SLC23A2: variants seen among roughly 807,000 people sequenced by gnomAD.
SLC23A2 encodes the protein Na(+)/L-ascorbic acid transporter 2.
In SLC23A2, 36 loss-of-function variants were observed where a neutral mutation model predicts 73.3. The ratio of observed to expected loss-of-function variants is 0.49; its 90% CI spans 0.38 to 0.65. SLC23A2 has a LOEUF of 0.65. SLC23A2 is among the 30% of genes least tolerant of loss of function. The pLI, the probability that SLC23A2 is intolerant of heterozygous loss-of-function variation, is 0.00. For synonymous variants in SLC23A2, 343 were observed against 327.3 expected (o/e 1.05, Z -0.52); for missense variants, 507 against 841.6 (o/e 0.60, Z 4.92).
At chr20:4,965,544 G>A (rs2087461345) in intron 2 of SLC23A2, among the ~76,000 whole-genome samples, 1 of 152,150 alleles carries the variant, frequency 6.6e-6, no homozygotes, top group African/African-American at 2.4e-5. Context: ...GGCCAAGGCA[G>A]GCGTATCACT....
intron 4 of SLC23A2, among the ~76,000 whole-genome samples, chr20:4,907,987 A>C (rs550325778): frequency 3.7e-4 from 57 of 152,336 alleles, no homozygotes; most frequent in African/African-American, 1.3e-3. Flanking sequence ...AAGGAAGAAC[A>C]GATAAGCTGC....
intron 2 of SLC23A2, among the ~76,000 whole-genome samples, chr20:4,933,472 T>C (rs1458453845): frequency 1.3e-5 from 2 of 151,090 alleles, no homozygotes; most frequent in African/African-American, 4.9e-5. Context: ...ATAATAATAA[T>C]ACAAAAATCA....
chr20:4,867,306 C>T (rs1930242264), intron 13 of SLC23A2, among the ~76,000 whole-genome samples: 2 of 152,140 alleles, frequency 1.3e-5, no homozygotes, highest in Admixed American at 1.3e-4. Context: ...TATTTGCAGG[C>T]TCCCTCCCTC....
chr20:4,872,552 C>T lies in SLC23A2; in HGVS notation c.1102+1384G>A, dbSNP rs6052949. 0.013 allele frequency among the ~76,000 whole-genome samples: 2,036 copies of T among 152,182 alleles called. 51 individuals carry two copies. Among genetic ancestry groups the T allele is most frequent in the African/African-American group, 0.047 (1,945 of 41,496 alleles). On this transcript the variant is annotated intron_variant, in intron 11 of 16. Coordinates refer to ENST00000338244, the MANE Select transcript of SLC23A2 (RefSeq NM_005116.6). The surrounding 1 kb of genome is among the most constrained non-coding windows in gnomAD (Gnocchi z 4.4). ...AGTTGCCTGCACAAGCAGAAGACCA[C>T]CTTGTATACGCTGTGGGGGCTTCTA...
Position 4,992,129 on chromosome 20 carries a change from G to A in SLC23A2, c.-282+9277C>T, listed in dbSNP as rs73601318. Among the ~76,000 whole-genome samples, 992 of 152,124 alleles carry A rather than the reference G, an allele frequency of 6.5e-3. 12 individuals carry two copies. Among genetic ancestry groups the A allele is most frequent in the African/African-American group, 0.021 (882 of 41,508 alleles). The stretch of plus-strand genomic sequence containing the variant: ...CATCTCAAGATGGAGGGAGTATTTT[G>A]AAACCCTAAATTGAAAAACACTGGA... On this transcript the variant is annotated intron_variant, in intron 1 of 16. Coordinates refer to ENST00000338244, the MANE Select transcript of SLC23A2 (RefSeq NM_005116.6).
At chr20:4,869,540 GACACAC>G (rs11467759) in intron 12 of SLC23A2, 1 of 166,414 alleles carries the variant, frequency 6.0e-6, no homozygotes. Flanking sequence ...ATCTCCAAAT[GACACAC>G]ACACACACAC....
At chr20:4,926,743 T>C (rs994358431) in intron 3 of SLC23A2, among the ~76,000 whole-genome samples, 2 of 152,206 alleles carry the variant, frequency 1.3e-5, no homozygotes, top group African/African-American at 4.8e-5. Context: ...TTTGACCTAG[T>C]GGACATTCTA....
At chr20:4,866,327 A>G (rs538949912) in intron 13 of SLC23A2, among the ~76,000 whole-genome samples, 19 of 152,234 alleles carry the variant, frequency 1.2e-4, no homozygotes, top group Non-Finnish European at 2.8e-4. Context: ...TGAAGTTGGT[A>G]GAACCCACAG....
At chr20:4,922,040 C>T (rs183114092) in intron 3 of SLC23A2, among the ~76,000 whole-genome samples, 1 of 152,250 alleles carries the variant, frequency 6.6e-6, no homozygotes, top group East Asian at 1.9e-4. Flanking sequence ...CAAATCCTAG[C>T]AAGAATGAAC....
At chr20:4,949,094 T>G in intron 2 of SLC23A2, among the ~76,000 whole-genome samples, 1 of 152,016 alleles carries the variant, frequency 6.6e-6, no homozygotes, top group Non-Finnish European at 1.5e-5. Context: ...GAGACCAGCC[T>G]GCTCAACATG....
intron 2 of SLC23A2, among the ~76,000 whole-genome samples, chr20:4,955,424 T>C (rs1008204499): frequency 1.3e-5 from 2 of 149,564 alleles, no homozygotes; most frequent in Admixed American, 6.7e-5. Flanking sequence ...TTCAGAAAGA[T>C]AGTAAGTTAT....
intron 1 of SLC23A2, among the ~76,000 whole-genome samples, chr20:4,991,268 G>A (rs1024790343): frequency 4.6e-5 from 7 of 151,912 alleles, no homozygotes; most frequent in African/African-American, 7.3e-5. Context: ...ACACCACCAC[G>A]CCAGGCCACT....
Position 4,883,798 on chromosome 20 carries a change from G to A in SLC23A2, c.668C>T (p.Ser223Leu), listed in dbSNP as rs1600098132. 6.2e-7 allele frequency: 1 copy of A among 1,612,670 alleles called. No individual in the cohort carries two copies. Among genetic ancestry groups the A allele is most frequent in the Non-Finnish European group, 8.5e-7 (1 of 1,179,326 alleles). The change falls in exon 9 of 17, where the codon TCA becomes TTA. Residue 223 changes from serine (S) to leucine (L), a missense_variant. Coordinates refer to ENST00000338244, the MANE Select transcript of SLC23A2 (RefSeq NM_005116.6). This position sits in a 1 kb window ranked among gnomAD's most constrained non-coding sequence, Gnocchi z 4.5. ...GAGGCCGATGACTACTTCTATCAGT[G>A]AGGACATGATGATGGCCCCCTGGAT... ...REIQGAIIMS[S>L]LIEVVIGLLG... is the part of the protein sequence containing the mutation.
chr20:4,857,328 ACACACAC>A lies in SLC23A2; in HGVS notation c.1721-131_1721-125del. 1 of 567,658 alleles carries A rather than the reference ACACACAC, an allele frequency of 1.8e-6. No homozygotes were observed. The highest frequency in any genetic ancestry group is 2.2e-5 in the South Asian group (1 of 46,140). 35.2% of individuals were successfully genotyped at this position (567,658 alleles called of 1,614,324 possible). On this transcript the variant is annotated intron_variant, in intron 16 of 16. Coordinates refer to ENST00000338244, the MANE Select transcript of SLC23A2 (RefSeq NM_005116.6). This position sits in a 1 kb window ranked among gnomAD's most constrained non-coding sequence, Gnocchi z 4.0. ...CACACACACACACACACACACACAC[ACACACAC>A]ATGGTCCCACAGATCAAACCTGCCT...
intron 6 of SLC23A2, among the ~76,000 whole-genome samples, chr20:4,893,498 T>C (rs1321099595): frequency 1.3e-5 from 2 of 152,184 alleles, no homozygotes; most frequent in Non-Finnish European, 2.9e-5. Flanking sequence ...TTCTAAGTTT[T>C]ATAAACAATC....
intron 2 of SLC23A2, among the ~76,000 whole-genome samples, chr20:4,941,456 ACTTTGGGAGGCCAAGGTGGGCAGATTAC>A (rs2087039926): frequency 6.6e-6 from 1 of 152,118 alleles, no homozygotes; most frequent in African/African-American, 2.4e-5. Flanking sequence ...TAATCCTAGC[ACTTTGGGAGGCCAAGGTGGGCAGATTAC>A]CTGAGGTCAG....
chr20:4,902,641 GA>G lies in SLC23A2; in HGVS notation c.208-84del, dbSNP rs1931793184. 3.1e-6 allele frequency: 2 copies of G among 647,736 alleles called. No individual in the cohort carries two copies. The highest frequency in any genetic ancestry group is 2.6e-6 in the Non-Finnish European group (1 of 380,564). 40.1% of individuals were successfully genotyped at this position (647,736 alleles called of 1,614,324 possible). A position where few individuals can be genotyped will look rare whatever the true frequency, so the allele number is the denominator to read the frequency against. On this transcript the variant is annotated intron_variant, in intron 4 of 16. Transcript: ENST00000338244. The surrounding 1 kb of genome is among the most constrained non-coding windows in gnomAD (Gnocchi z 4.0). ...CGGCCATGTACAGGCCACTATTACA[GA>G]AAAACAACTTTATCAAGTGGTTGCC...
chr20:4,955,293 G>C (rs926924050), intron 2 of SLC23A2, among the ~76,000 whole-genome samples: 1 of 150,050 alleles, frequency 6.7e-6, no homozygotes, highest in African/African-American at 2.4e-5. Context: ...TCAAATAATG[G>C]AAAAGGGAAA....
At chr20:4,866,841 G>A (rs534177789) in intron 13 of SLC23A2, among the ~76,000 whole-genome samples, 12 of 152,092 alleles carry the variant, frequency 7.9e-5, no homozygotes, top group East Asian at 7.7e-4. Flanking sequence ...GAAGGTTTCC[G>A]GGCTCACCCC....
Sources: gnomAD v4.1 joint callset for allele counts (sites outside exome capture counted in the v4.1 genomes callset) on GRCh38, gnomAD v4.1.1 for gene constraint, Gnocchi (gnomAD v3.1) non-coding constraint, MANE v1.5 for transcripts, NCBI Gene and HGNC (gene_info 2026-07-23, HGNC 2026-07-21) for gene names.